FOXRED2: variants seen among roughly 807,000 people sequenced by gnomAD.
FOXRED2 encodes FAD-dependent oxidoreductase domain-containing protein 2.
In FOXRED2, 32 loss-of-function variants were observed where a neutral mutation model predicts 52.5. The observed-to-expected ratio is 0.61, with a 90% CI of 0.46 to 0.82. The LOEUF (loss-of-function observed/expected upper bound fraction) is 0.82, where lower values mean the gene tolerates loss of function less well. Among genes scored for constraint, FOXRED2 ranks in the 40% least tolerant of loss-of-function variants. The pLI, the probability that FOXRED2 is intolerant of heterozygous loss-of-function variation, is 0.00. For synonymous variants in FOXRED2, 405 were observed against 398.1 expected (o/e 1.02, Z -0.21); for missense variants, 848 against 937.5 (o/e 0.90, Z 1.25).
chr22:36,496,265 C>T, intron 6 of FOXRED2, 57 bp from the exon 7 acceptor site: 1 of 1,605,060 alleles, frequency 6.2e-7, no homozygotes, highest in Non-Finnish European at 8.5e-7. Flanking sequence ...GTGAGGGGTG[C>T]AGCCCGGGGG....
chr22:36,498,994 G>A (rs1045925116), intron 5 of FOXRED2, among the ~76,000 whole-genome samples: 5 of 152,182 alleles, frequency 3.3e-5, no homozygotes, highest in Non-Finnish European at 7.3e-5. Flanking sequence ...GAGCGCAGTG[G>A]CACGATCTTG....
intron 8 of FOXRED2, among the ~76,000 whole-genome samples, chr22:36,493,276 AAAAAAT>A (rs1211703167): frequency 1.3e-5 from 2 of 152,088 alleles, no homozygotes; most frequent in Admixed American, 1.3e-4. Flanking sequence ...CATCTCTACT[AAAAAAT>A]AAAAAAATTA....
Position 36,504,504 on chromosome 22 carries a change from A to T in FOXRED2, c.779+11T>A. ...CCCAGCACAGAACACACATGCGGGG[A>T]TGTGGCCTACCTGAGGTCTCCAACG... is the stretch of plus-strand genomic sequence containing the variant. On this transcript the variant is annotated intron_variant, in intron 3 of 8. Transcript: ENST00000397224. 6 of 1,613,980 alleles carry T rather than the reference A, an allele frequency of 3.7e-6. No individual in the cohort carries two copies. The highest frequency in any genetic ancestry group is 4.2e-6 in the Non-Finnish European group (5 of 1,179,932).
Position 36,497,980 on chromosome 22 carries a change from G to A in FOXRED2, c.1382+11C>T, listed in dbSNP as rs781094940. On this transcript the variant is annotated intron_variant, in intron 6 of 8. Transcript: ENST00000397224. ...GGGCCGAGGGGAGTAGGGTGGGGAC[G>A]GGCTACTCACTCCTTCAACAGGATG... 3.7e-6 allele frequency: 6 copies of A among 1,611,250 alleles called. No individual in the cohort carries two copies. The highest frequency in any genetic ancestry group is 3.3e-5 in the Admixed American group (2 of 59,878).
Position 36,504,100 on chromosome 22 carries a change from A to G in FOXRED2, c.1047T>C (p.Asn349=). Residue 349 remains asparagine (N), a splice_region_variant and synonymous_variant, in exon 4 of 9, where the codon AAT becomes AAC. Coordinates refer to ENST00000397224, the MANE Select transcript of FOXRED2 (RefSeq NM_001102371.2). Reference sequence around the variant, plus strand: ...ACCTCCTTCCGCATGGAACTCACTTATTGAAAATGGAGAAGTCAAAGTTCC... The same window carrying G: ...ACCTCCTTCCGCATGGAACTCACTTGTTGAAAATGGAGAAGTCAAAGTTCC... ...LGWNFDFSIF[N]KSLRLNSGNA... is the part of the protein sequence containing the mutation. 1 of 1,613,830 alleles carries G rather than the reference A, an allele frequency of 6.2e-7. No homozygotes were observed. The highest frequency in any genetic ancestry group is 1.1e-5 in the South Asian group (1 of 91,054).
In FOXRED2 at chr22:36,498,116, G is replaced by A. The variant is rs889777165; in HGVS notation, c.1257C>T (p.Ser419=). The A allele has an allele frequency of 2.4e-5, 39 of 1,612,582 alleles. No homozygotes were observed. Among genetic ancestry groups the A allele is most frequent in the Non-Finnish European group, 3.0e-5 (35 of 1,179,966 alleles). The stretch of plus-strand genomic sequence containing the variant: ...GGAGCTCAGTGGCGGGCCAGGTGAC[G>A]CTGTGGTGGCGGTGCTCCAGGAGCC... ...VHRLLEHRHH[S]VTWPATELPI... is the part of the protein sequence containing the mutation. The change falls in exon 6 of 9, where the codon AGC becomes AGT. Residue 419 remains serine, a synonymous_variant. Transcript: ENST00000397224.
rs1933651489 is a variant in FOXRED2, at chr22:36,488,102, A to G, written c.*1906T>C. ...AGCGAAATCCATTGCAAAAAAAAAA[A>G]AAAAGAAAAAGAAAAAGTCTGGACC... On this transcript the variant is annotated 3_prime_UTR_variant, in exon 9 of 9. Coordinates refer to ENST00000397224, the MANE Select transcript of FOXRED2 (RefSeq NM_001102371.2). 6.6e-6 allele frequency: 1 copy of G among 151,938 alleles called. No individual in the cohort carries two copies. The highest frequency in any genetic ancestry group is 2.1e-4 in the South Asian group (1 of 4,832). 9.4% of individuals were successfully genotyped at this position (151,938 alleles called of 1,614,324 possible).
At chr22:36,503,492 G>A (rs1420743214) in intron 4 of FOXRED2, among the ~76,000 whole-genome samples, 1 of 151,624 alleles carries the variant, frequency 6.6e-6, no homozygotes, top group Non-Finnish European at 1.5e-5. Flanking sequence ...TGTATTTTTA[G>A]TAGAGATGGG....
chr22:36,502,525 A>C (rs1467023666), intron 4 of FOXRED2, among the ~76,000 whole-genome samples: 1 of 152,188 alleles, frequency 6.6e-6, no homozygotes, highest in African/African-American at 2.4e-5. Flanking sequence ...GTTGGAGTGC[A>C]GCAGCTATTC....
chr22:36,489,964 G>A lies in FOXRED2; in HGVS notation c.*44C>T. The stretch of plus-strand genomic sequence containing the variant: ...AAAGAGGGACTGACCATGGGCCTAG[G>A]TGGGGAGGCCTGGCCACTGTGCCCA... On this transcript the variant is annotated 3_prime_UTR_variant, in exon 9 of 9. Coordinates refer to ENST00000397224, the MANE Select transcript of FOXRED2 (RefSeq NM_001102371.2). The A allele has an allele frequency of 6.6e-7, 1 of 1,512,062 alleles. No homozygotes were observed. The highest frequency in any genetic ancestry group is 1.4e-5 in the African/African-American group (1 of 71,814). 93.7% of individuals were successfully genotyped at this position (1,512,062 alleles called of 1,614,324 possible).
Position 36,506,315 on chromosome 22 carries a change from C to T in FOXRED2, c.108G>A (p.Leu36=), listed in dbSNP as rs1275276217. 1 of 1,547,976 alleles carries T rather than the reference C, an allele frequency of 6.5e-7. No homozygotes were observed. The highest frequency in any genetic ancestry group is 8.7e-7 in the Non-Finnish European group (1 of 1,150,554). ...TCTGCAGGCCCGCGGGCCCAGCGCC[C>T]AGCACGCAGTAGTCCCGGCGCGGGG... ...SVPPRRDYCV[L]GAGPAGLQMA... is the part of the protein sequence containing the mutation. The change falls in exon 2 of 9, where the codon CTG becomes CTA. Residue 36 remains leucine (L), a synonymous_variant. Coordinates refer to ENST00000397224, the MANE Select transcript of FOXRED2 (RefSeq NM_001102371.2).
chr22:36,496,274 G>A (rs1468052379), intron 6 of FOXRED2, 66 bp from the exon 7 acceptor site: 17 of 1,596,068 alleles, frequency 1.1e-5, no homozygotes, highest in Non-Finnish European at 1.4e-5. Context: ...GCAGCCCGGG[G>A]GTGAGCATGT....
Position 36,498,137 on chromosome 22 carries a change from G to A in FOXRED2, c.1236C>T (p.Leu412=), listed in dbSNP as rs996592047. The A allele has an allele frequency of 6.2e-7, 1 of 1,611,744 alleles. No individual in the cohort carries two copies. Among genetic ancestry groups the A allele is most frequent in the East Asian group, 2.2e-5 (1 of 44,876 alleles). ...FRYTVRAVHR[L]LEHRHHSVTW... ...TGACGCTGTGGTGGCGGTGCTCCAG[G>A]AGCCGGTGAACAGCACGCACTGGAA... The change falls in exon 6 of 9, where the codon CTC becomes CTT. Residue 412 remains leucine, a synonymous_variant. Transcript: ENST00000397224.
At chr22:36,500,162 G>A (rs1934007104) in intron 5 of FOXRED2, among the ~76,000 whole-genome samples, 1 of 152,212 alleles carries the variant, frequency 6.6e-6, no homozygotes, top group African/African-American at 2.4e-5. Flanking sequence ...TATGAAAGAA[G>A]AGAAGACCTT....
At chr22:36,500,079 G>A (rs1324032089) in intron 5 of FOXRED2, among the ~76,000 whole-genome samples, 1 of 152,154 alleles carries the variant, frequency 6.6e-6, no homozygotes, top group Non-Finnish European at 1.5e-5. Context: ...GGGATGACAG[G>A]TGTGACCCAC....
chr22:36,497,836 T>G (rs1358263359), intron 6 of FOXRED2, among the ~76,000 whole-genome samples, 155 bp downstream of exon 6: 7 of 152,156 alleles, frequency 4.6e-5, no homozygotes, highest in African/African-American at 1.7e-4. Flanking sequence ...GTAGAGTTAA[T>G]GTCATTGTTT....
chr22:36,495,250 T>G (rs1933866393), intron 7 of FOXRED2, among the ~76,000 whole-genome samples: 1 of 152,130 alleles, frequency 6.6e-6, no homozygotes, highest in East Asian at 1.9e-4. Context: ...TGAGCCACCA[T>G]GCCCAGCCTC....
chr22:36,491,057 G>C (rs1040388388), intron 8 of FOXRED2, among the ~76,000 whole-genome samples: 2 of 152,132 alleles, frequency 1.3e-5, no homozygotes, highest in Non-Finnish European at 2.9e-5. Flanking sequence ...AGCTACTCGG[G>C]AGGCTGAGGC....
rs112431810 is a variant in FOXRED2, at chr22:36,496,318, G to A, written c.1383-110C>T. 197 of 1,349,116 alleles carry A rather than the reference G, an allele frequency of 1.5e-4. No homozygotes were observed. In the African/African-American group the frequency reaches 2.2e-3, roughly 15 times the overall value. The allele number at this position is 1,349,116 out of a possible 1,614,324, so 83.6% of individuals were successfully genotyped here. A position where few individuals can be genotyped will look rare whatever the true frequency, so the allele number is the denominator to read the frequency against. The stretch of plus-strand genomic sequence containing the variant: ...GTGTGTATCTCCCCCTCTAAGGAGC[G>A]TCAATCAAGCAGCACACCCCTCACT... On this transcript the variant is annotated intron_variant, in intron 6 of 8. Transcript: ENST00000397224.
Sources: gnomAD v4.1 joint callset for allele counts (sites outside exome capture counted in the v4.1 genomes callset) on GRCh38, gnomAD v4.1.1 for gene constraint, MANE v1.5 for transcripts, NCBI Gene and HGNC (gene_info 2026-07-23, HGNC 2026-07-21) for gene names.